Variants in PTPRD observed in about 807,000 individuals in gnomAD.
PTPRD encodes the protein protein tyrosine phosphatase receptor type D, also known as receptor-type tyrosine-protein phosphatase delta.
Under a neutral mutation model 214.5 loss-of-function variants are expected in PTPRD, and 34 were observed. The ratio of observed to expected loss-of-function variants is 0.16; its 90% CI spans 0.12 to 0.21. PTPRD has a LOEUF of 0.21. Among genes scored for constraint, PTPRD ranks in the 10% least tolerant of loss-of-function variants. The pLI, the probability that PTPRD is intolerant of heterozygous loss-of-function variation, is 1.00. For missense variants in PTPRD, 2,545 were observed against 2,398.7 expected (o/e 1.06, Z -1.27); for synonymous variants, 1,128 against 845.7 (o/e 1.33, Z -5.79).
At chr9:9,637,790 G>A (rs1205022334) in intron 7 of PTPRD, among the ~76,000 whole-genome samples, 1 of 152,168 alleles carries the variant, frequency 6.6e-6, no homozygotes, top group Non-Finnish European at 1.5e-5. Flanking sequence ...GTTCTGCTCG[G>A]CATTGCCCTA....
chr9:8,868,607 A>T lies in PTPRD; in HGVS notation c.-103-134661T>A, dbSNP rs867472453. ...GAGAGCACAATTCGAAAATCACTAG[A>T]CTAGATTATCTTTAAAGTTGTTTCT... On this transcript the variant is annotated intron_variant, in intron 11 of 45. Transcript: ENST00000381196. Among the ~76,000 whole-genome samples, 10 of 152,252 alleles carry T rather than the reference A, an allele frequency of 6.6e-5. 1 individual carries two copies. The South Asian group carries it at 2.1e-3, about 32-fold the overall frequency.
intron 7 of PTPRD, among the ~76,000 whole-genome samples, chr9:9,685,894 T>C (rs2154400438): frequency 6.6e-6 from 1 of 151,582 alleles, no homozygotes; most frequent in South Asian, 2.1e-4. Context: ...AAGGAATTAC[T>C]ATAGTTTATA....
At chr9:10,221,602 T>C (rs981422665) in intron 3 of PTPRD, among the ~76,000 whole-genome samples, 1 of 152,048 alleles carries the variant, frequency 6.6e-6, no homozygotes, top group African/African-American at 2.4e-5. Flanking sequence ...ACATTAAAAA[T>C]AATACTACAT....
intron 9 of PTPRD, among the ~76,000 whole-genome samples, chr9:9,353,560 C>CT (rs2052373572): frequency 6.6e-6 from 1 of 151,238 alleles, no homozygotes; most frequent in Non-Finnish European, 1.5e-5. Context: ...GCCTTAATTT[C>CT]TTTTTTCTAT....
chr9:8,786,653 G>A (rs2095989493), intron 11 of PTPRD, among the ~76,000 whole-genome samples: 1 of 151,044 alleles, frequency 6.6e-6, no homozygotes, highest in South Asian at 2.1e-4. Context: ...AACCTCAGGT[G>A]ATCCACCCGC....
At chr9:9,622,535 A>C (rs2095280649) in intron 7 of PTPRD, among the ~76,000 whole-genome samples, 1 of 152,208 alleles carries the variant, frequency 6.6e-6, no homozygotes, top group Non-Finnish European at 1.5e-5. Flanking sequence ...TCTCATACTA[A>C]CTTATCACTG....
At chr9:8,541,252 T>C (rs1593182157) in intron 14 of PTPRD, among the ~76,000 whole-genome samples, 1 of 152,136 alleles carries the variant, frequency 6.6e-6, no homozygotes, top group Non-Finnish European at 1.5e-5. Flanking sequence ...TTTTTATAGA[T>C]AGGGTCTTGC....
chr9:9,189,717 G>A (rs2099933935), intron 9 of PTPRD, among the ~76,000 whole-genome samples: 2 of 151,960 alleles, frequency 1.3e-5, no homozygotes, highest in Non-Finnish European at 2.9e-5. Flanking sequence ...AGTGATAAAT[G>A]GTAAATATTT....
chr9:10,074,934 A>G (rs1454914558), intron 3 of PTPRD, among the ~76,000 whole-genome samples: 3 of 152,156 alleles, frequency 2.0e-5, no homozygotes, highest in Non-Finnish European at 4.4e-5. Flanking sequence ...AGTTTTTGAG[A>G]AATATTACTT....
chr9:9,382,808 C>T (rs1360367502), intron 9 of PTPRD, among the ~76,000 whole-genome samples: 8 of 152,008 alleles, frequency 5.3e-5, no homozygotes, highest in Admixed American at 3.3e-4. Flanking sequence ...TCTGGATATA[C>T]ATTCAAAGAA....
intron 10 of PTPRD, among the ~76,000 whole-genome samples, chr9:9,070,839 T>C (rs995086494): frequency 2.6e-5 from 4 of 152,162 alleles, no homozygotes; most frequent in Admixed American, 2.0e-4. Context: ...AACTAATAAG[T>C]GGCAGTCAAG....
chr9:8,415,602 G>C (rs1471905642), intron 35 of PTPRD, among the ~76,000 whole-genome samples: 1 of 151,954 alleles, frequency 6.6e-6, no homozygotes, highest in Admixed American at 6.6e-5. Context: ...ATTCAACCAT[G>C]ATACGTGTCT....
chr9:9,168,147 C>T (rs759587115), intron 10 of PTPRD, among the ~76,000 whole-genome samples: 3 of 152,064 alleles, frequency 2.0e-5, no homozygotes, highest in Admixed American at 1.3e-4. Context: ...GTTTTGTGTA[C>T]GGTTCTTTTC....
chr9:10,039,881 T>C (rs1374821146), intron 3 of PTPRD, among the ~76,000 whole-genome samples: 1 of 152,064 alleles, frequency 6.6e-6, no homozygotes. Flanking sequence ...AAACAAAGAA[T>C]ATGAGACATC....
chr9:10,278,062 A>G (rs950262779), intron 3 of PTPRD, among the ~76,000 whole-genome samples: 2 of 152,058 alleles, frequency 1.3e-5, no homozygotes, highest in Non-Finnish European at 2.9e-5. Flanking sequence ...CGGGAGGCTG[A>G]GGCAGGAGAA....
At chr9:9,594,570 T>G (rs2093090757) in intron 7 of PTPRD, among the ~76,000 whole-genome samples, 1 of 152,108 alleles carries the variant, frequency 6.6e-6, no homozygotes, top group Admixed American at 6.6e-5. Flanking sequence ...TTGTCAAAGA[T>G]CAGTTGGCTG....
chr9:8,642,940 C>A (rs2096609207), intron 12 of PTPRD, among the ~76,000 whole-genome samples: 1 of 151,944 alleles, frequency 6.6e-6, no homozygotes, highest in Admixed American at 6.5e-5. Context: ...CTTAGGAGGG[C>A]AAAAGCATGG....
chr9:8,441,528 GC>G (rs2095546601), intron 34 of PTPRD, among the ~76,000 whole-genome samples: 1 of 151,690 alleles, frequency 6.6e-6, no homozygotes, highest in African/African-American at 2.4e-5. Flanking sequence ...ACCACATACG[GC>G]TAACTAGATT....
At chr9:9,867,969 G>A (rs936304323) in intron 5 of PTPRD, among the ~76,000 whole-genome samples, 2 of 152,160 alleles carry the variant, frequency 1.3e-5, no homozygotes, top group Admixed American at 1.3e-4. Flanking sequence ...AGCTGCACAT[G>A]AGCTGAATAG....
Sources: gnomAD v4.1 joint callset for allele counts (sites outside exome capture counted in the v4.1 genomes callset) on GRCh38, gnomAD v4.1.1 for gene constraint, MANE v1.5 for transcripts, NCBI Gene and HGNC (gene_info 2026-07-23, HGNC 2026-07-21) for gene names.